The following SLC2A11 variants were observed in gnomAD, a reference collection of about 807,000 sequenced individuals.
SLC2A11 encodes the protein solute carrier family 2 member 11, also known as solute carrier family 2, facilitated glucose transporter member 11.
In SLC2A11, 43 loss-of-function variants were observed where a neutral mutation model predicts 52.1. The ratio of observed to expected loss-of-function variants is 0.82; its 90% CI spans 0.65 to 1.06. SLC2A11 has a LOEUF of 1.06. SLC2A11 is among the 50% of genes least tolerant of loss of function. SLC2A11 has a pLI of 0.00. For synonymous variants in SLC2A11, 261 were observed against 277.6 expected, an observed-to-expected ratio of 0.94 and a Z score of 0.59; for missense variants, 582 against 654.2, an observed-to-expected ratio of 0.89 and a Z score of 1.20.
rs781413352 is a variant in SLC2A11, at chr22:23,868,539, A to G, written c.188A>G (p.Asp63Gly). 2 of 1,614,202 alleles carry G rather than the reference A, an allele frequency of 1.2e-6. No homozygotes were observed. The highest frequency in any genetic ancestry group is 1.7e-6 in the Non-Finnish European group (2 of 1,180,032). The change falls in exon 3 of 12, where the codon GAT (aspartate) becomes GGT (glycine). Residue 63 changes from aspartate to glycine, a missense_variant. Physicochemically the swap from Asp to Gly is moderately conservative, Grantham distance 94. Coordinates refer to ENST00000316185, the MANE Select transcript of SLC2A11 (RefSeq NM_001024939.4). ...GCGCGTACTGGAGAGCCACTGCCCG[A>G]TCACCTAGTCCTGCTTATGTGGTCC... ...WQARTGEPLP[D>G]HLVLLMWSLI... is the part of the protein sequence containing the mutation.
intron 1 of SLC2A11, 21 bp downstream of exon 1, chr22:23,858,050 C>A: frequency 6.4e-7 from 1 of 1,554,102 alleles, no homozygotes; most frequent in South Asian, 1.2e-5. Flanking sequence ...TCATACTTGC[C>A]CAGACCAGGC....
intron 3 of SLC2A11, chr22:23,869,851 C>T: frequency 3.3e-6 from 2 of 605,556 alleles, no homozygotes; most frequent in South Asian, 4.0e-5. Context: ...TCCCTGTGTC[C>T]TCACATGGCA....
intron 6 of SLC2A11, 68 bp downstream of exon 6, chr22:23,877,937 G>A: frequency 6.7e-7 from 1 of 1,492,946 alleles, no homozygotes; most frequent in Non-Finnish European, 8.9e-7. Context: ...GAGTATACGG[G>A]TCCCCATTTC....
At chr22:23,857,123 G>C (rs879061347), upstream of SLC2A11, 24 of 1,258,620 alleles carry the variant, frequency 1.9e-5, no homozygotes, top group Admixed American at 4.6e-4. Context: ...ACAACCAAGG[G>C]CTTGGCCCTC....
At position 23,882,536 on chromosome 22, in the gene SLC2A11, G is replaced by C; in HGVS notation, c.772G>C (p.Gly258Arg). The change falls in exon 7 of 12, where the codon GGC becomes CGC. Residue 258 changes from glycine to arginine, a missense_variant. Gly to Arg is a moderately radical substitution (Grantham distance 125). Transcript: ENST00000316185. ...ELEEERAACQGCRARRPWELF... is the reference protein window; with the variant it reads ...ELEEERAACQRCRARRPWELF... ...GGAGGAGGAGCGCGCTGCCTGCCAG[G>C]GCTGCCGTGCCCGGCGCCCATGGGA... 1 of 1,606,664 alleles carries C rather than the reference G, an allele frequency of 6.2e-7. No individual in the cohort carries two copies. The highest frequency in any genetic ancestry group is 8.5e-7 in the Non-Finnish European group (1 of 1,177,384).
At chr22:23,869,276 T>TC (rs1395620409) in intron 3 of SLC2A11, 1 of 152,614 alleles carries the variant, frequency 6.6e-6, no homozygotes, top group Non-Finnish European at 1.5e-5. Context: ...TCACCTAAGG[T>TC]CAGGAGCTTG....
chr22:23,882,723 G>A (rs1472415563), intron 7 of SLC2A11, 36 bp from the exon 8 acceptor site: 1 of 1,606,860 alleles, frequency 6.2e-7, no homozygotes, highest in Non-Finnish European at 8.5e-7. Flanking sequence ...ATGGGAGGTG[G>A]AAGGGAGCCC....
chr22:23,862,644 A>T (rs1407831269), intron 2 of SLC2A11, among the ~76,000 whole-genome samples: 2 of 149,082 alleles, frequency 1.3e-5, no homozygotes, highest in Admixed American at 6.6e-5. Context: ...TTTTTTCGAG[A>T]TGGAGTTTCG....
rs149239300 is a variant in SLC2A11, at chr22:23,863,165, C to A, written c.129+963C>A. ...TCAAATACCTATGACACAGCCCTTC[C>A]TCTAAGCCTCCTTCCACGGAGGGGC... On this transcript the variant is annotated intron_variant, in intron 2 of 11. Transcript: ENST00000316185. Among the ~76,000 whole-genome samples the A allele has an allele frequency of 6.6e-3, 1,005 of 152,342 alleles. 11 individuals carry two copies. Among genetic ancestry groups the A allele is most frequent in the African/African-American group, 0.023 (967 of 41,576 alleles).
At position 23,877,854 on chromosome 22, in the gene SLC2A11, G is replaced by C. The variant is rs762055179; in HGVS notation, c.679G>C (p.Glu227Gln). Residue 227 changes from glutamate to glutamine, a missense_variant, in exon 6 of 12, where the codon GAG (glutamate) becomes CAG (glutamine). Transcript: ENST00000316185. ...RYLLIDCGDT[E>Q]ACLAALRRLR... ...CCTCCTCATTGACTGTGGAGACACC[G>C]AGGCCTGCCTGGCAGGTGAGTCTCT... 1.2e-6 allele frequency: 2 copies of C among 1,612,056 alleles called. No homozygotes were observed. The highest frequency in any genetic ancestry group is 3.4e-5 in the Admixed American group (2 of 59,688).
chr22:23,858,098 C>T (rs1003822362), intron 1 of SLC2A11, 69 bp downstream of exon 1: 1 of 1,543,894 alleles, frequency 6.5e-7, no homozygotes, highest in Non-Finnish European at 8.8e-7. Context: ...GTGAACTGCG[C>T]AGGTGCAGCC....
intron 5 of SLC2A11, 41 bp downstream of exon 5, chr22:23,877,212 T>C: frequency 6.3e-7 from 1 of 1,581,614 alleles, no homozygotes; most frequent in Non-Finnish European, 8.6e-7. Context: ...ATTTCGGAGA[T>C]ACCAGTAAAA....
chr22:23,883,123 G>C, intron 8 of SLC2A11: 1 of 511,698 alleles, frequency 2.0e-6, no homozygotes, highest in Non-Finnish European at 3.6e-6. Flanking sequence ...TTATCCCGGC[G>C]TGGTGGCGGG....
chr22:23,866,238 G>A (rs918049199), intron 2 of SLC2A11: 2 of 152,294 alleles, frequency 1.3e-5, no homozygotes, highest in Non-Finnish European at 2.9e-5. Flanking sequence ...TTTGTCAATG[G>A]TCACTCTTGA....
chr22:23,868,730 C>T (rs1221127131), intron 3 of SLC2A11, 89 bp downstream of exon 3: 28 of 1,502,210 alleles, frequency 1.9e-5, no homozygotes, highest in Non-Finnish European at 2.0e-5. Context: ...GGAAGAGGCC[C>T]GGCAAGCTCC....
intron 2 of SLC2A11, among the ~76,000 whole-genome samples, chr22:23,863,607 G>GTTTTTTTTTTTTTTTTTTTTTTTT: frequency 8.8e-6 from 1 of 113,168 alleles, no homozygotes; most frequent in Non-Finnish European, 1.9e-5. Flanking sequence ...CTCTCTCTCT[G>GTTTTTTTTTTTTTTTTTTTTTTTT]GTTTTTTTTT....
intron 5 of SLC2A11, 48 bp downstream of exon 5, chr22:23,877,219 A>C (rs1311381399): frequency 1.3e-6 from 2 of 1,576,380 alleles, no homozygotes; most frequent in Admixed American, 3.6e-5. Context: ...AGATACCAGT[A>C]AAAGCGTTTC....
chr22:23,882,113 A>C, intron 6 of SLC2A11: 8 of 249,294 alleles, frequency 3.2e-5, no homozygotes, highest in Non-Finnish European at 3.4e-5. Context: ...GAGATTGAGA[A>C]AGACAGGCAG....
At position 23,868,551 on chromosome 22, in the gene SLC2A11, T is replaced by G; in HGVS notation, c.200T>G (p.Leu67Arg). The G allele has an allele frequency of 6.2e-7, 1 of 1,614,266 alleles. No individual in the cohort carries two copies. Among genetic ancestry groups the G allele is most frequent in the Non-Finnish European group, 8.5e-7 (1 of 1,180,046 alleles). ...GAGCCACTGCCCGATCACCTAGTCC[T>G]GCTTATGTGGTCCCTCATCGTGTCT... ...TGEPLPDHLV[L>R]LMWSLIVSLY... The change falls in exon 3 of 12, where the codon CTG (leucine) becomes CGG (arginine). Residue 67 changes from leucine (L) to arginine (R), a missense_variant. Transcript: ENST00000316185.
Sources: allele counts gnomAD v4.1 joint callset (sites outside exome capture counted in the v4.1 genomes callset), GRCh38; gene constraint gnomAD v4.1.1; transcripts MANE v1.5; gene names NCBI Gene and HGNC (gene_info 2026-07-23, HGNC 2026-07-21).